EPG5: variants seen among roughly 807,000 people sequenced by gnomAD.
The protein encoded by EPG5 is ectopic P-granules 5 autophagy tethering factor.
Under a neutral mutation model 302.7 loss-of-function variants are expected in EPG5, and 159 were observed. That is an observed-to-expected ratio of 0.53 (90% CI 0.46 to 0.60). The LOEUF is 0.60. Ranked by LOEUF, EPG5 falls within the 20% of genes least tolerant of loss-of-function variation. The probability of loss-of-function intolerance (pLI) is 0.00; values close to 1 mark genes in which losing one functional copy is unlikely to be tolerated. For missense variants in EPG5, 2,896 were observed against 3,092.4 expected, an observed-to-expected ratio of 0.94 and a Z score of 1.51; for synonymous variants, 1,158 against 1,136.8, an observed-to-expected ratio of 1.02 and a Z score of -0.37.
the EPG5 span, chr18:45,836,981 C>A: frequency 3.1e-6 from 3 of 980,122 alleles, no homozygotes; most frequent in South Asian, 1.3e-5. Context: ...CTTCTCTGAG[C>A]CTCAGTTTAT....
At chr18:45,936,417 A>G (rs772748381) in intron 10 of EPG5, among the ~76,000 whole-genome samples, 26 of 152,028 alleles carry the variant, frequency 1.7e-4, no homozygotes, top group Admixed American at 9.2e-4. Flanking sequence ...GATGGTGGCC[A>G]TGCCCCAAGT....
chr18:45,843,867 A>T (rs1484269602), downstream of EPG5: 1 of 152,104 alleles, frequency 6.6e-6, no homozygotes, highest in African/African-American at 2.4e-5. Flanking sequence ...CAACAGAGAG[A>T]CTGTCTCCAA....
intron 39 of EPG5, among the ~76,000 whole-genome samples, chr18:45,862,505 T>C (rs1283989415): frequency 1.3e-5 from 2 of 152,184 alleles, no homozygotes; most frequent in Non-Finnish European, 1.5e-5. Context: ...TGGCTGAATA[T>C]GGGGGTAGGT....
intron 30 of EPG5, among the ~76,000 whole-genome samples, chr18:45,884,379 C>T (rs568059199): frequency 6.6e-6 from 1 of 152,246 alleles, no homozygotes; most frequent in East Asian, 1.9e-4. Flanking sequence ...TCCATAAAAC[C>T]GGTCCCTGGT....
chr18:45,957,422 A>G (rs574891749), intron 1 of EPG5, among the ~76,000 whole-genome samples: 2 of 152,234 alleles, frequency 1.3e-5, no homozygotes, highest in Non-Finnish European at 2.9e-5. Context: ...GAAAAACATT[A>G]TATGAGTGTT....
the EPG5 span, among the ~76,000 whole-genome samples, chr18:45,841,889 A>T: frequency 6.6e-6 from 1 of 152,086 alleles, no homozygotes; most frequent in Non-Finnish European, 1.5e-5. Context: ...AGACAGAGAT[A>T]GCAACTCTAT....
chr18:45,880,059 A>G lies in EPG5; in HGVS notation c.5667+16T>C, dbSNP rs759655586. On this transcript the variant is annotated intron_variant, in intron 32 of 43. Transcript: ENST00000282041. ...AAAGAAATGCACAAACACGTCAGAG[A>G]CCAAAGGCTACACACCTGCTTGTCT... The G allele has an allele frequency of 3.9e-5, 60 of 1,540,112 alleles. No individual in the cohort carries two copies. In the East Asian group the frequency reaches 4.6e-4, roughly 12 times the overall value.
chr18:45,852,597 T>C lies in EPG5; in HGVS notation c.7610A>G (p.Gln2537Arg), dbSNP rs768276691. 5 of 1,614,198 alleles carry C rather than the reference T, an allele frequency of 3.1e-6. No individual in the cohort carries two copies. The highest frequency in any genetic ancestry group is 2.2e-5 in the South Asian group (2 of 91,082). The stretch of plus-strand genomic sequence containing the variant: ...TTGGGTGGCTTGCAATATTTGATCC[T>C]GGTATTCAACATACTGCTTACTTGA... The part of the protein sequence containing the change: ...MASSKQYVEY[Q>R]DQILQATQFI... Residue 2537 changes from glutamine (Q) to arginine (R), a missense_variant, in exon 44 of 44, where the codon CAG becomes CGG. Gln to Arg is a conservative substitution (Grantham distance 43, BLOSUM62 1). Around this residue, in one of 5 missense-constraint regions of EPG5, gnomAD observed 620 missense variants for 704.2 expected, o/e 0.88. Transcript: ENST00000282041.
chr18:45,944,297 C>G (rs1215922083), intron 7 of EPG5, among the ~76,000 whole-genome samples, 178 bp from the exon 8 acceptor site: 1 of 152,156 alleles, frequency 6.6e-6, no homozygotes, highest in Non-Finnish European at 1.5e-5. Context: ...GACAGTTACA[C>G]AGTAAATCCC....
chr18:45,837,505 G>A, the EPG5 span: 2 of 1,482,600 alleles, frequency 1.3e-6, no homozygotes, highest in South Asian at 1.3e-5. Flanking sequence ...AGCCCGCCCC[G>A]CCCTCAGGCT....
chr18:45,810,375 T>C, the EPG5 span, among the ~76,000 whole-genome samples: 1 of 152,172 alleles, frequency 6.6e-6, no homozygotes, highest in Non-Finnish European at 1.5e-5. Context: ...GAAGCCAGCA[T>C]CATCCTAACA....
chr18:45,934,293 A>T (rs2050468154), intron 11 of EPG5, among the ~76,000 whole-genome samples: 2 of 152,202 alleles, frequency 1.3e-5, no homozygotes, highest in Non-Finnish European at 2.9e-5. Context: ...TGTCTCAAAA[A>T]AAATAAAAAA....
At chr18:45,884,530 T>G in intron 30 of EPG5, 87 bp downstream of exon 30, 1 of 1,273,026 alleles carries the variant, frequency 7.9e-7, no homozygotes, top group Non-Finnish European at 1.1e-6. Context: ...GAAACAAAAC[T>G]GCAGAGGTCC....
At position 45,917,772 on chromosome 18, in the gene EPG5, A is replaced by G; in HGVS notation, c.3146T>C (p.Val1049Ala). Residue 1049 changes from valine (V) to alanine (A), a missense_variant, in exon 17 of 44, where the codon GTC becomes GCC. Val to Ala is a moderately conservative substitution (Grantham distance 64). Coordinates refer to ENST00000282041, the MANE Select transcript of EPG5 (RefSeq NM_020964.3). ...CACTGTTCTCAAATGTCTTGACTGG[A>G]CCAGAATTCCCAATAGTGGGATGCC... ...AEGIPLLGILVQSRHLRTVVH... is the reference protein window; with the variant it reads ...AEGIPLLGILAQSRHLRTVVH... 1 of 1,614,148 alleles carries G rather than the reference A, an allele frequency of 6.2e-7. No homozygotes were observed. Among genetic ancestry groups the G allele is most frequent in the South Asian group, 1.1e-5 (1 of 91,086 alleles).
At chr18:45,842,711 G>C (rs2048335929), downstream of EPG5, 1 of 156,910 alleles carries the variant, frequency 6.4e-6, no homozygotes, top group African/African-American at 2.4e-5. Context: ...ACAAAGATCT[G>C]AGGAAATAAT....
At chr18:45,937,033 A>G (rs2050543985) in intron 10 of EPG5, among the ~76,000 whole-genome samples, 1 of 152,092 alleles carries the variant, frequency 6.6e-6, no homozygotes, top group Non-Finnish European at 1.5e-5. Context: ...AAACTTCTCT[A>G]AGGTCAGTTG....
intron 12 of EPG5, among the ~76,000 whole-genome samples, chr18:45,929,581 A>G (rs1388196827): frequency 6.6e-6 from 1 of 152,234 alleles, no homozygotes; most frequent in Non-Finnish European, 1.5e-5. Flanking sequence ...TATTGCTTCA[A>G]TTGTACATAC....
At chr18:45,967,095 G>T (rs1297477407) in intron 1 of EPG5, 82 bp downstream of exon 1, 38 of 1,395,530 alleles carry the variant, frequency 2.7e-5, no homozygotes, top group Non-Finnish European at 3.6e-5. Flanking sequence ...AACGGGAGTA[G>T]AATTGGCTGG....
intron 17 of EPG5, 191 bp from the exon 18 acceptor site, chr18:45,916,773 A>G: frequency 3.9e-6 from 2 of 515,160 alleles, no homozygotes; most frequent in South Asian, 5.3e-5. Flanking sequence ...CTATCTACCC[A>G]CAGAGGTATT....
Sources: allele counts gnomAD v4.1 joint callset (sites outside exome capture counted in the v4.1 genomes callset), GRCh38; gene constraint gnomAD v4.1.1; regional missense constraint gnomAD v4.1.1; transcripts MANE v1.5; gene names NCBI Gene and HGNC (gene_info 2026-07-23, HGNC 2026-07-21).